The following ZNF276 variants were observed in gnomAD, a reference collection of about 807,000 sequenced individuals.
ZNF276 encodes the protein zinc finger protein 276, also known as centromere protein Z.
ZNF276 carries 59 observed loss-of-function variants against 63.9 expected under a neutral mutation model. The ratio of observed to expected loss-of-function variants is 0.92; its 90% CI spans 0.75 to 1.15. The LOEUF (loss-of-function observed/expected upper bound fraction) is 1.15. Ranked by LOEUF, ZNF276 falls within the 50% of genes most tolerant of loss-of-function variation. ZNF276 has a pLI of 0.00. For missense variants in ZNF276, 1,084 were observed against 843.8 expected (o/e 1.28, Z -3.53); for synonymous variants, 496 against 348.4 (o/e 1.42, Z -4.72).
Position 89,723,571 on chromosome 16 carries a change from G to A in ZNF276, c.868G>A (p.Gly290Arg), listed in dbSNP as rs747105947. The change falls in exon 4 of 11, where the codon GGG (glycine) becomes AGG (arginine). Residue 290 changes from glycine to arginine, a missense_variant. Transcript: ENST00000443381. ...GDAPQTSQGR[G>R]TGTPVGAETK... ...TGCCCCTCAGACCTCCCAGGGTAGA[G>A]GGACAGGGACCCCAGTTGGGGCTGA... The A allele has an allele frequency of 1.9e-5, 30 of 1,612,688 alleles. No individual in the cohort carries two copies. In the Admixed American group the frequency reaches 3.8e-4, roughly 21 times the overall value.
chr16:89,731,939 T>C (rs1405109305), intron 6 of ZNF276: 2 of 152,232 alleles, frequency 1.3e-5, no homozygotes, highest in Non-Finnish European at 2.9e-5. Flanking sequence ...TCTTGCCCAG[T>C]TACTCTGGCT....
At chr16:89,721,313 A>C, upstream of ZNF276, 1 of 265,758 alleles carries the variant, frequency 3.8e-6, no homozygotes, top group Non-Finnish European at 7.1e-6. Context: ...CTCTCCCTGG[A>C]GGACTCGTCG....
At position 89,739,165 on chromosome 16, in the gene ZNF276, G is replaced by C. The variant is rs372493612; in HGVS notation, c.*919G>C. Reference sequence around the variant, plus strand: ...TTGAGCTCCAGGCTCCTGCCAGCTGGAGGTGAAACTGTGCTTGTATCCCCA... The same window carrying C: ...TTGAGCTCCAGGCTCCTGCCAGCTGCAGGTGAAACTGTGCTTGTATCCCCA... On this transcript the variant is annotated 3_prime_UTR_variant, in exon 11 of 11. Coordinates refer to ENST00000443381, the MANE Select transcript of ZNF276 (RefSeq NM_001113525.2). The C allele has an allele frequency of 6.2e-7, 1 of 1,614,152 alleles. No homozygotes were observed. Among genetic ancestry groups the C allele is most frequent in the Non-Finnish European group, 8.5e-7 (1 of 1,180,042 alleles).
Position 89,722,665 on chromosome 16 carries a change from G to C in ZNF276, c.340G>C (p.Val114Leu), listed in dbSNP as rs79631587. The C allele has an allele frequency of 2.9e-5, 47 of 1,612,128 alleles. No homozygotes were observed. The highest frequency in any genetic ancestry group is 3.7e-5 in the Non-Finnish European group (44 of 1,180,028). The part of the protein sequence containing the change: ...ERPSAEERVL[V>L]RDFQRLLGVA... ...GCCATCCGCAGAGGAGCGCGTGCTC[G>C]TACGGGACTTCCAGCGCCTGCTTGG... The change falls in exon 2 of 11, where the codon GTA (valine) becomes CTA (leucine). Residue 114 changes from valine (V) to leucine (L), a missense_variant. Coordinates refer to ENST00000443381, the MANE Select transcript of ZNF276 (RefSeq NM_001113525.2).
At chr16:89,736,229 G>T (rs1338060115) in intron 9 of ZNF276, among the ~76,000 whole-genome samples, 1 of 151,984 alleles carries the variant, frequency 6.6e-6, no homozygotes, top group Non-Finnish European at 1.5e-5. Flanking sequence ...GTTTTGCTAT[G>T]TTGGCCAGGC....
rs1390771147 is a variant in ZNF276, at chr16:89,739,158, C to T, written c.*912C>T. 1 of 1,614,052 alleles carries T rather than the reference C, an allele frequency of 6.2e-7. No homozygotes were observed. Among genetic ancestry groups the T allele is most frequent in the Non-Finnish European group, 8.5e-7 (1 of 1,180,048 alleles). Reference sequence around the variant, plus strand: ...CTGACCCTTGAGCTCCAGGCTCCTGCCAGCTGGAGGTGAAACTGTGCTTGT... The same window carrying T: ...CTGACCCTTGAGCTCCAGGCTCCTGTCAGCTGGAGGTGAAACTGTGCTTGT... On this transcript the variant is annotated 3_prime_UTR_variant, in exon 11 of 11. Coordinates refer to ENST00000443381, the MANE Select transcript of ZNF276 (RefSeq NM_001113525.2).
At position 89,723,153 on chromosome 16, in the gene ZNF276, C is replaced by G. The variant is rs747518233; in HGVS notation, c.526C>G (p.Pro176Ala). The G allele has an allele frequency of 1.2e-6, 2 of 1,613,224 alleles. No individual in the cohort carries two copies. The highest frequency in any genetic ancestry group is 1.7e-6 in the Non-Finnish European group (2 of 1,180,024). The change falls in exon 3 of 11, where the codon CCA becomes GCA. Residue 176 changes from proline to alanine, a missense_variant. Physicochemically the swap from Pro to Ala is conservative, Grantham distance 27. Transcript: ENST00000443381. Reference sequence around the variant, plus strand: ...CCTTTGCAGGGTCGGTGCCCAGCCCCCAACAGGGGCAGAGGAGGGAGCGTG... The same window carrying G: ...CCTTTGCAGGGTCGGTGCCCAGCCCGCAACAGGGGCAGAGGAGGGAGCGTG... ...KPCAKVGAQP[P>A]TGAEEGACLV...
Position 89,739,263 on chromosome 16 carries a change from G to C in ZNF276, c.*1017G>C, listed in dbSNP as rs201886956. On this transcript the variant is annotated 3_prime_UTR_variant, in exon 11 of 11. Coordinates refer to ENST00000443381, the MANE Select transcript of ZNF276 (RefSeq NM_001113525.2). The stretch of plus-strand genomic sequence containing the variant: ...CAGGAAGGCCTCTTCCCTGATGGCC[G>C]CGTCTTCATGGAAGTAGGAGAGAAG... The C allele has an allele frequency of 6.2e-7, 1 of 1,614,146 alleles. No homozygotes were observed.
chr16:89,727,164 G>C, intron 4 of ZNF276, 115 bp from the exon 5 acceptor site: 1 of 1,097,112 alleles, frequency 9.1e-7, no homozygotes, highest in Non-Finnish European at 1.4e-6. Flanking sequence ...GAGAACTTGA[G>C]GGTCAGGGAC....
At chr16:89,736,131 T>G (rs1225091917) in intron 9 of ZNF276, among the ~76,000 whole-genome samples, 1 of 152,178 alleles carries the variant, frequency 6.6e-6, no homozygotes, top group Non-Finnish European at 1.5e-5. Context: ...GACCTTGTGA[T>G]CCACCTGCCT....
intron 5 of ZNF276, among the ~76,000 whole-genome samples, chr16:89,727,566 C>T (rs944583285): frequency 2.6e-5 from 4 of 152,180 alleles, no homozygotes; most frequent in African/African-American, 9.7e-5. Flanking sequence ...TGGGACACGC[C>T]TCCTCTCGAG....
intron 2 of ZNF276, 79 bp from the exon 3 acceptor site, chr16:89,723,058 T>A: frequency 1.2e-6 from 2 of 1,610,996 alleles, no homozygotes; most frequent in Non-Finnish European, 8.5e-7. Flanking sequence ...AGGTTTGAGA[T>A]CTCGAGAGGG....
chr16:89,727,708 C>T (rs2061511123), intron 5 of ZNF276, among the ~76,000 whole-genome samples: 1 of 152,240 alleles, frequency 6.6e-6, no homozygotes, highest in South Asian at 2.1e-4. Context: ...TGACCCAGAG[C>T]AGCCTAGAAA....
In ZNF276 at chr16:89,721,766, G is replaced by A; in HGVS notation, c.126G>A (p.Val42=). 4 of 1,276,694 alleles carry A rather than the reference G, an allele frequency of 3.1e-6. No individual in the cohort carries two copies. The highest frequency in any genetic ancestry group is 3.9e-6 in the Non-Finnish European group (4 of 1,012,820). 79.1% of individuals were successfully genotyped at this position (1,276,694 alleles called of 1,614,324 possible). A position where few individuals can be genotyped will look rare whatever the true frequency, so the allele number is the denominator to read the frequency against. ...GRPSLSGGPR[V]DGATARRAWG... ...CTTCCCTTAGCGGTGGGCCGAGGGTGGACGGGGCGACGGCGCGGCGCGCCT... is the reference window on the plus strand; with the variant it reads ...CTTCCCTTAGCGGTGGGCCGAGGGTAGACGGGGCGACGGCGCGGCGCGCCT... Residue 42 remains valine, a synonymous_variant, in exon 1 of 11, where the codon GTG becomes GTA. Coordinates refer to ENST00000443381, the MANE Select transcript of ZNF276 (RefSeq NM_001113525.2).
intron 9 of ZNF276, among the ~76,000 whole-genome samples, chr16:89,735,390 C>T (rs1031543799): frequency 2.0e-5 from 3 of 152,122 alleles, no homozygotes; most frequent in African/African-American, 7.2e-5. Context: ...ATTATTTATT[C>T]TTACTTGAAT....
rs1598056612 is a variant in ZNF276 at position 89,740,443 on chromosome 16, C to G, written c.*2197C>G. 1 of 457,822 alleles carries G rather than the reference C, an allele frequency of 2.2e-6. No individual in the cohort carries two copies. Among genetic ancestry groups the G allele is most frequent in the East Asian group, 4.1e-5 (1 of 24,386 alleles). 28.4% of individuals were successfully genotyped at this position (457,822 alleles called of 1,614,324 possible). The stretch of plus-strand genomic sequence containing the variant: ...TCACTGAGGCCAGTTCAAGACCAGC[C>G]TGGCAATATGGTGAAACCCCGTCTC... On this transcript the variant is annotated 3_prime_UTR_variant, in exon 11 of 11. Transcript: ENST00000443381.
At chr16:89,737,586 T>C (rs1742295184) in intron 9 of ZNF276, 2 of 774,746 alleles carry the variant, frequency 2.6e-6, no homozygotes, top group East Asian at 6.0e-5. Context: ...TTAAAAACCA[T>C]CCTGAAATGC....
chr16:89,727,315 C>G lies in ZNF276; in HGVS notation c.1043C>G (p.Ser348Trp). The part of the protein sequence containing the change: ...LGEKQLPSST[S>W]DDRVKDEFSD... ...GAGAAGCAGCTTCCATCTTCAACCT[C>G]GGATGATCGGGTAAAAGACGAGTTC... The change falls in exon 5 of 11, where the codon TCG (serine) becomes TGG (tryptophan). Residue 348 changes from serine to tryptophan, a missense_variant. Coordinates refer to ENST00000443381, the MANE Select transcript of ZNF276 (RefSeq NM_001113525.2). 1 of 1,614,116 alleles carries G rather than the reference C, an allele frequency of 6.2e-7. No homozygotes were observed. Among genetic ancestry groups the G allele is most frequent in the Non-Finnish European group, 8.5e-7 (1 of 1,180,026 alleles).
intron 9 of ZNF276, among the ~76,000 whole-genome samples, chr16:89,734,375 G>GGCAAC (rs2061779021): frequency 6.6e-6 from 1 of 152,028 alleles, no homozygotes; most frequent in African/African-American, 2.4e-5. Flanking sequence ...GCCCAGGCTG[G>GGCAAC]AGTGCAGTGG....
Sources: gnomAD v4.1 joint callset for allele counts (sites outside exome capture counted in the v4.1 genomes callset) on GRCh38, gnomAD v4.1.1 for gene constraint, MANE v1.5 for transcripts, NCBI Gene and HGNC (gene_info 2026-07-23, HGNC 2026-07-21) for gene names.